Variants in ERVFRD-1 observed in about 807,000 individuals in gnomAD.
The protein encoded by ERVFRD-1 is endogenous retrovirus group FRD member 1, envelope, also known as syncytin-2.
A neutral mutation model predicts 43.8 loss-of-function variants in ERVFRD-1; 33 were observed. That is an observed-to-expected ratio of 0.75 (90% CI 0.57 to 1.01). ERVFRD-1 has a LOEUF of 1.01. Among genes scored for constraint, ERVFRD-1 ranks in the 50% least tolerant of loss-of-function variants. The probability of loss-of-function intolerance (pLI) is 0.00; values close to 1 mark genes in which losing one functional copy is unlikely to be tolerated. For synonymous variants in ERVFRD-1, 239 were observed against 244.4 expected (o/e 0.98, Z 0.21); for missense variants, 568 against 658.4 (o/e 0.86, Z 1.50).
At position 11,105,227 on chromosome 6, in the gene ERVFRD-1, A is replaced by G. The variant is rs1206422266; in HGVS notation, c.84T>C (p.Ala28=). The part of the protein sequence containing the change: ...RHPDFPLLEK[A]QQLLQSTGSP... ...ATCCTGTACTTTGGAGCAGTTGCTGAGCTTTTTCCAATAACGGGAAATCAG... is the reference window on the plus strand; with the variant it reads ...ATCCTGTACTTTGGAGCAGTTGCTGGGCTTTTTCCAATAACGGGAAATCAG... The change falls in exon 2 of 2, where the codon GCT becomes GCC. Residue 28 remains alanine, a synonymous_variant. Coordinates refer to ENST00000472091, the MANE Select transcript of ERVFRD-1 (RefSeq NM_207582.3). 6.2e-7 allele frequency: 1 copy of G among 1,614,146 alleles called. No individual in the cohort carries two copies. The highest frequency in any genetic ancestry group is 1.1e-5 in the South Asian group (1 of 91,078).
In ERVFRD-1 at chr6:11,103,010, TC is replaced by T. The variant is rs1758018687; in HGVS notation, c.*683del. 1 of 152,252 alleles carries T rather than the reference TC, an allele frequency of 6.6e-6. No individual in the cohort carries two copies. The highest frequency in any genetic ancestry group is 6.5e-5 in the Admixed American group (1 of 15,270). The allele number at this position is 152,252 out of a possible 1,614,324, so 9.4% of individuals were successfully genotyped here. On this transcript the variant is annotated 3_prime_UTR_variant, in exon 2 of 2. Coordinates refer to ENST00000472091, the MANE Select transcript of ERVFRD-1 (RefSeq NM_207582.3). Reference sequence around the variant, plus strand: ...TATACATTGGCATTGTTCCGGGGTTTCCATTTCTCCTCCTCTGATTTTTCTT... The same window carrying T: ...TATACATTGGCATTGTTCCGGGGTTTCATTTCTCCTCCTCTGATTTTTCTT...
Position 11,104,828 on chromosome 6 carries a change from G to A in ERVFRD-1, c.483C>T (p.Tyr161=), listed in dbSNP as rs765281057. 1.2e-6 allele frequency: 2 copies of A among 1,614,088 alleles called. No homozygotes were observed. Among genetic ancestry groups the A allele is most frequent in the African/African-American group, 1.3e-5 (1 of 74,926 alleles). ...VDSNQQTYQT[Y]THNQFRHQPR... ...GTTGATGGCGGAATTGGTTGTGGGT[G>A]TATGTTTGGTAAGTCTGTTGGTTAG... Residue 161 remains tyrosine, a synonymous_variant, in exon 2 of 2, where the codon TAC becomes TAT. Coordinates refer to ENST00000472091, the MANE Select transcript of ERVFRD-1 (RefSeq NM_207582.3).
chr6:11,108,036 T>G (rs890249932), intron 1 of ERVFRD-1, among the ~76,000 whole-genome samples: 1 of 152,120 alleles, frequency 6.6e-6, no homozygotes, highest in African/African-American at 2.4e-5. Flanking sequence ...GGCATAAGAT[T>G]GCATTTGAAA....
intron 1 of ERVFRD-1, among the ~76,000 whole-genome samples, chr6:11,108,358 A>G (rs994704303): frequency 6.6e-6 from 1 of 152,200 alleles, no homozygotes; most frequent in Non-Finnish European, 1.5e-5. Context: ...GTGTTATTTA[A>G]TCCAGGAGCC....
At chr6:11,107,372 G>T (rs1758102450) in intron 1 of ERVFRD-1, among the ~76,000 whole-genome samples, 1 of 152,212 alleles carries the variant, frequency 6.6e-6, no homozygotes, top group African/African-American at 2.4e-5. Context: ...GTTTGGACTA[G>T]ATGTTGGATT....
rs1164490043 is a variant in ERVFRD-1, at chr6:11,102,917, A to C, written c.*777T>G. ...GCAAGAACAAAAGGAAGCAAAGTGC[A>C]CTTGAAGAGAGCCAAGCGGGTGACT... On this transcript the variant is annotated 3_prime_UTR_variant, in exon 2 of 2. Coordinates refer to ENST00000472091, the MANE Select transcript of ERVFRD-1 (RefSeq NM_207582.3). 6.6e-6 allele frequency: 1 copy of C among 152,250 alleles called. No individual in the cohort carries two copies. The highest frequency in any genetic ancestry group is 1.5e-5 in the Non-Finnish European group (1 of 68,064). The allele number at this position is 152,250 out of a possible 1,614,324, so 9.4% of individuals were successfully genotyped here.
rs1420490603 is a variant in ERVFRD-1 at position 11,104,973 on chromosome 6, A to G, written c.338T>C (p.Ile113Thr). 4.3e-6 allele frequency: 7 copies of G among 1,614,092 alleles called. No individual in the cohort carries two copies. The highest frequency in any genetic ancestry group is 1.1e-5 in the South Asian group (1 of 91,092). ...IRQKPPIFGP[I>T]FTNINLMGIA... is the part of the protein sequence containing the mutation. Reference sequence around the variant, plus strand: ...TCCCATTAGGTTGATATTAGTAAAGATGGGTCCGAAAATGGGAGGTTTCTG... The same window carrying G: ...TCCCATTAGGTTGATATTAGTAAAGGTGGGTCCGAAAATGGGAGGTTTCTG... Residue 113 changes from isoleucine (I) to threonine (T), a missense_variant, in exon 2 of 2, where the codon ATC (isoleucine) becomes ACC (threonine). Physicochemically the swap from Ile to Thr is moderately conservative, Grantham distance 89. Coordinates refer to ENST00000472091, the MANE Select transcript of ERVFRD-1 (RefSeq NM_207582.3).
In ERVFRD-1 at chr6:11,104,009, T is replaced by C; in HGVS notation, c.1302A>G (p.Leu434=). ...TTACCCAAAAGCAACATTTTTCATC[T>C]AAGGCCAAACAAATTCCTCCCTGTG... ...TAAQGGICLA[L]DEKCCFWVNQ... The change falls in exon 2 of 2, where the codon TTA becomes TTG. Residue 434 remains leucine (L), a synonymous_variant. Coordinates refer to ENST00000472091, the MANE Select transcript of ERVFRD-1 (RefSeq NM_207582.3). The C allele has an allele frequency of 6.4e-7, 1 of 1,551,718 alleles. No homozygotes were observed. The highest frequency in any genetic ancestry group is 8.7e-7 in the Non-Finnish European group (1 of 1,146,976).
rs1293192319 is a variant in ERVFRD-1, at chr6:11,102,774, T to C, written c.*920A>G. 3 of 152,190 alleles carry C rather than the reference T, an allele frequency of 2.0e-5. No individual in the cohort carries two copies. Among genetic ancestry groups the C allele is most frequent in the Non-Finnish European group, 4.4e-5 (3 of 68,040 alleles). The allele number at this position is 152,190 out of a possible 1,614,324, so 9.4% of individuals were successfully genotyped here. Reference sequence around the variant, plus strand: ...GAACTGTTACCAGCAGCAAATCCAATGGGTCTGCAGCAGACTCCATCCTTG... The same window carrying C: ...GAACTGTTACCAGCAGCAAATCCAACGGGTCTGCAGCAGACTCCATCCTTG... On this transcript the variant is annotated 3_prime_UTR_variant, in exon 2 of 2. Transcript: ENST00000472091.
chr6:11,103,453 C>T lies in ERVFRD-1; in HGVS notation c.*241G>A. The T allele has an allele frequency of 2.0e-6, 1 of 509,594 alleles. No homozygotes were observed. Among genetic ancestry groups the T allele is most frequent in the East Asian group, 3.1e-5 (1 of 31,838 alleles). 31.6% of individuals were successfully genotyped at this position (509,594 alleles called of 1,614,324 possible). A position where few individuals can be genotyped will look rare whatever the true frequency, so the allele number is the denominator to read the frequency against. On this transcript the variant is annotated 3_prime_UTR_variant, in exon 2 of 2. Coordinates refer to ENST00000472091, the MANE Select transcript of ERVFRD-1 (RefSeq NM_207582.3). ...TGACTAGCTACCTGCTCCAACATTT[C>T]CCCCCCTCAAGAGTCCAAGACCCAA...
chr6:11,104,588 A>G lies in ERVFRD-1; in HGVS notation c.723T>C (p.Asn241=). The change falls in exon 2 of 2, where the codon AAT becomes AAC. Residue 241 remains asparagine (N), a synonymous_variant. Transcript: ENST00000472091. ...GGCTCTGGTTAGCTCCCTTGGTTTT[A>G]TTTTCCCAAAAAAGAGAATTTCGAG... is the stretch of plus-strand genomic sequence containing the variant. ...DQTRNSLFWE[N]KTKGANQSQT... 1 of 1,613,698 alleles carries G rather than the reference A, an allele frequency of 6.2e-7. No individual in the cohort carries two copies. Among genetic ancestry groups the G allele is most frequent in the Non-Finnish European group, 8.5e-7 (1 of 1,179,798 alleles).
rs1758060711 is a variant in ERVFRD-1, at chr6:11,104,903, A to G, written c.408T>C (p.Asn136=). 6 of 1,614,074 alleles carry G rather than the reference A, an allele frequency of 3.7e-6. No homozygotes were observed. Among genetic ancestry groups the G allele is most frequent in the Admixed American group, 1.7e-5 (1 of 60,004 alleles). The change falls in exon 2 of 2, where the codon AAT becomes AAC. Residue 136 remains asparagine, a synonymous_variant. Transcript: ENST00000472091. The part of the protein sequence containing the change: ...CVMAKRKNGT[N]VGTLPSTVCN... ...AGACTGTACTTGGAAGAGTGCCTAC[A>G]TTTGTTCCATTTTTCCTTTTGGCCA...
chr6:11,103,981 G>A lies in ERVFRD-1; in HGVS notation c.1330C>T (p.Gln444Ter), dbSNP rs1188892352. ...LDEKCCFWVN[Q>*]SGKVQDNIRQ... ...ATGTTGTCTTGTACTTTTCCTGATT[G>A]ATTTACCCAAAAGCAACATTTTTCA... The change falls in exon 2 of 2, where the codon CAA becomes TAA. Residue 444 changes from glutamine (Q) to a stop codon, truncating the protein, a stop_gained. Transcript: ENST00000472091. LOFTEE classifies it high-confidence loss of function. The A allele has an allele frequency of 7.1e-6, 11 of 1,551,534 alleles. No homozygotes were observed. Among genetic ancestry groups the A allele is most frequent in the Non-Finnish European group, 1.7e-6 (2 of 1,146,992 alleles).
In ERVFRD-1 at chr6:11,102,929, C is replaced by G. The variant is rs1195948032; in HGVS notation, c.*765G>C. 6 of 152,186 alleles carry G rather than the reference C, an allele frequency of 3.9e-5. No individual in the cohort carries two copies. The highest frequency in any genetic ancestry group is 3.9e-4 in the Admixed American group (6 of 15,276). 9.4% of individuals were successfully genotyped at this position (152,186 alleles called of 1,614,324 possible). A position where few individuals can be genotyped will look rare whatever the true frequency, so the allele number is the denominator to read the frequency against. On this transcript the variant is annotated 3_prime_UTR_variant, in exon 2 of 2. Transcript: ENST00000472091. ...GGAAGCAAAGTGCACTTGAAGAGAGCCAAGCGGGTGACTTGAGAGATCCAA... is the reference window on the plus strand; with the variant it reads ...GGAAGCAAAGTGCACTTGAAGAGAGGCAAGCGGGTGACTTGAGAGATCCAA...
Position 11,105,296 on chromosome 6 carries a change from C to T in ERVFRD-1, c.15G>A (p.Leu5=). ...GTGAAGGCGTGAGAATGAGAACCAG[C>T]AGGAGCAGGCCCATGGTGACCTAAG... MGLL[L]LVLILTPSLA... is the part of the protein sequence containing the mutation. Residue 5 remains leucine, a synonymous_variant, in exon 2 of 2, where the codon CTG becomes CTA. Coordinates refer to ENST00000472091, the MANE Select transcript of ERVFRD-1 (RefSeq NM_207582.3). 7 of 1,612,952 alleles carry T rather than the reference C, an allele frequency of 4.3e-6. No individual in the cohort carries two copies. The highest frequency in any genetic ancestry group is 5.9e-6 in the Non-Finnish European group (7 of 1,179,372).
At position 11,104,123 on chromosome 6, in the gene ERVFRD-1, A is replaced by G. The variant is rs896728398; in HGVS notation, c.1188T>C (p.Ala396=). Residue 396 remains alanine, a synonymous_variant, in exon 2 of 2, where the codon GCT becomes GCC. Coordinates refer to ENST00000472091, the MANE Select transcript of ERVFRD-1 (RefSeq NM_207582.3). ...GTTCTTGCATGGTCGTTAAGGCTTT[A>G]GCCATGGTGTCAATGTTGTTGGCTA... is the stretch of plus-strand genomic sequence containing the variant. The part of the protein sequence containing the change: ...KEIANNIDTM[A]KALTTMQEQI... The G allele has an allele frequency of 2.6e-6, 4 of 1,550,284 alleles. No individual in the cohort carries two copies. The African/African-American group carries it at 4.1e-5, about 16-fold the overall frequency.
chr6:11,106,400 T>C (rs1758083957), intron 1 of ERVFRD-1, among the ~76,000 whole-genome samples: 1 of 152,250 alleles, frequency 6.6e-6, no homozygotes, highest in African/African-American at 2.4e-5. Flanking sequence ...GGATTATTTA[T>C]AGTGCACAAA....
At position 11,104,757 on chromosome 6, in the gene ERVFRD-1, A is replaced by G. The variant is rs201709473; in HGVS notation, c.554T>C (p.Leu185Ser). ...GCAAAACCGGCTGGATTTATCTAGCAAAGTTCCCTGAGGAAAAGTAATATT... is the reference window on the plus strand; with the variant it reads ...GCAAAACCGGCTGGATTTATCTAGCGAAGTTCCCTGAGGAAAAGTAATATT... ...PPNITFPQGT[L>S]LDKSSRFCQG... Residue 185 changes from leucine (L) to serine (S), a missense_variant, in exon 2 of 2, where the codon TTG becomes TCG. Leu to Ser is a moderately radical substitution (Grantham distance 145). Coordinates refer to ENST00000472091, the MANE Select transcript of ERVFRD-1 (RefSeq NM_207582.3). 1.2e-6 allele frequency: 2 copies of G among 1,614,240 alleles called. No homozygotes were observed. The highest frequency in any genetic ancestry group is 1.7e-6 in the Non-Finnish European group (2 of 1,180,046).
In ERVFRD-1 at chr6:11,104,804, T is replaced by C; in HGVS notation, c.507A>G (p.Gln169=). The C allele has an allele frequency of 1.2e-6, 2 of 1,614,222 alleles. No homozygotes were observed. The highest frequency in any genetic ancestry group is 1.7e-6 in the Non-Finnish European group (2 of 1,180,038). Residue 169 remains glutamine (Q), a synonymous_variant, in exon 2 of 2, where the codon CAA becomes CAG. Coordinates refer to ENST00000472091, the MANE Select transcript of ERVFRD-1 (RefSeq NM_207582.3). ...TATTTGGAGGTTTGGGGAATCTTGGTTGATGGCGGAATTGGTTGTGGGTGT... is the reference window on the plus strand; with the variant it reads ...TATTTGGAGGTTTGGGGAATCTTGGCTGATGGCGGAATTGGTTGTGGGTGT... ...QTYTHNQFRH[Q]PRFPKPPNIT...
Sources: gnomAD v4.1 joint callset for allele counts (sites outside exome capture counted in the v4.1 genomes callset) on GRCh38, gnomAD v4.1.1 for gene constraint, MANE v1.5 for transcripts, NCBI Gene and HGNC (gene_info 2026-07-23, HGNC 2026-07-21) for gene names.